Variants in TMEM248 observed in about 807,000 individuals in gnomAD.
TMEM248 encodes the protein transmembrane protein 248, also known as UPF0458 protein C7orf42.
Under a neutral mutation model 30.3 loss-of-function variants are expected in TMEM248, and 9 were observed. That is an observed-to-expected ratio of 0.30 (90% CI 0.18 to 0.52). TMEM248 has a LOEUF of 0.52. TMEM248 is among the 20% of genes least tolerant of loss of function. The pLI is 0.97. For synonymous variants in TMEM248, 184 were observed against 154.4 expected (o/e 1.19, Z -1.42); for missense variants, 338 against 403.3 (o/e 0.84, Z 1.39).
chr7:66,948,420 A>G, intron 3 of TMEM248, 124 bp from the exon 4 acceptor site: 1 of 1,187,146 alleles, frequency 8.4e-7, no homozygotes, highest in South Asian at 1.5e-5. Context: ...CAGATCCCAC[A>G]AAGGCAGGTG....
rs1312666718 is a variant in TMEM248 at position 66,957,497 on chromosome 7, A to G, written c.*1975A>G. 6.6e-6 allele frequency: 1 copy of G among 152,236 alleles called. No individual in the cohort carries two copies. The highest frequency in any genetic ancestry group is 2.4e-5 in the African/African-American group (1 of 41,466). 9.4% of individuals were successfully genotyped at this position (152,236 alleles called of 1,614,324 possible). A position where few individuals can be genotyped will look rare whatever the true frequency, so the allele number is the denominator to read the frequency against. Reference sequence around the variant, plus strand: ...AACTTGTTAATTTAGTTTTCTCCTTAGAGACTTTGAGACCCTTAAGAGACA... The same window carrying G: ...AACTTGTTAATTTAGTTTTCTCCTTGGAGACTTTGAGACCCTTAAGAGACA... On this transcript the variant is annotated 3_prime_UTR_variant, in exon 7 of 7. Coordinates refer to ENST00000341567, the MANE Select transcript of TMEM248 (RefSeq NM_017994.5).
chr7:66,922,280 C>T (rs560408939), intron 1 of TMEM248: 5 of 152,336 alleles, frequency 3.3e-5, no homozygotes, highest in East Asian at 1.9e-4. Context: ...GGAAGAAAAA[C>T]TCCGAGACTG....
At chr7:66,942,138 A>G in intron 2 of TMEM248, 114 bp downstream of exon 2, 1 of 1,155,472 alleles carries the variant, frequency 8.7e-7, no homozygotes, top group Non-Finnish European at 1.2e-6. Context: ...TAGTGAGAAA[A>G]ATCAGTATTT....
At chr7:66,930,322 A>G (rs1041622986) in intron 1 of TMEM248, among the ~76,000 whole-genome samples, 6 of 152,228 alleles carry the variant, frequency 3.9e-5, no homozygotes, top group African/African-American at 1.4e-4. Flanking sequence ...GAGTAGGTAC[A>G]TAAAATGGGA....
At chr7:66,923,936 G>A (rs898498632) in intron 1 of TMEM248, among the ~76,000 whole-genome samples, 2 of 152,182 alleles carry the variant, frequency 1.3e-5, no homozygotes, top group African/African-American at 4.8e-5. Flanking sequence ...AATGTGCTGG[G>A]ATTACAGGCG....
Position 66,929,426 on chromosome 7 carries a change from A to ATTTTTTTTTTTTTTTTTTTTTTT in TMEM248, c.-19+7971_-19+7993dup, listed in dbSNP as rs35126436. ...ACAATATCATGGAAATGAGAGACAA[A>ATTTTTTTTTTTTTTTTTTTTTTT]TTTTTTTTTTTTTTTTTTTTTTTTT... On this transcript the variant is annotated intron_variant, in intron 1 of 6. Transcript: ENST00000341567. 2.5e-4 allele frequency among the ~76,000 whole-genome samples: 24 copies of ATTTTTTTTTTTTTTTTTTTTTTT among 97,672 alleles called. 2 individuals are homozygous for ATTTTTTTTTTTTTTTTTTTTTTT. Among genetic ancestry groups the ATTTTTTTTTTTTTTTTTTTTTTT allele is most frequent in the East Asian group, 7.4e-4 (2 of 2,714 alleles). The allele number at this position is 97,672 out of a possible 152,430, so 64.1% of individuals were successfully genotyped here. A position where few individuals can be genotyped will look rare whatever the true frequency, so the allele number is the denominator to read the frequency against.
Position 66,950,946 on chromosome 7 carries a change from C to G in TMEM248, c.597-6C>G. 6.4e-7 allele frequency: 1 copy of G among 1,554,032 alleles called. No homozygotes were observed. Among genetic ancestry groups the G allele is most frequent in the Non-Finnish European group, 8.7e-7 (1 of 1,149,426 alleles). ...ACGTGTCTTTCCTCCTCCTCTTCTC[C>G]TGCAGACAGCCACCGCACTGTGTTC... On this transcript the variant is annotated splice_region_variant and splice_polypyrimidine_tract_variant and intron_variant, in intron 4 of 6. Coordinates refer to ENST00000341567, the MANE Select transcript of TMEM248 (RefSeq NM_017994.5).
At chr7:66,925,603 C>T (rs763969793) in intron 1 of TMEM248, among the ~76,000 whole-genome samples, 3 of 152,062 alleles carry the variant, frequency 2.0e-5, no homozygotes, top group Non-Finnish European at 4.4e-5. Flanking sequence ...AGTGAACAGA[C>T]ATCTCTTTGA....
rs1791376409 is a variant in TMEM248 at position 66,921,255 on chromosome 7, C to G, written c.-225C>G. ...GAAACCGCGGTTGCCGGAGCCCGAA[C>G]TGAGGCGGCGGCGGGAGCCCGGTTG... On this transcript the variant is annotated 5_prime_UTR_variant, in exon 1 of 7. Transcript: ENST00000341567. 6.7e-6 allele frequency: 1 copy of G among 149,978 alleles called. No homozygotes were observed. The highest frequency in any genetic ancestry group is 2.4e-5 in the African/African-American group (1 of 40,994). The allele number at this position is 149,978 out of a possible 1,614,324, so 9.3% of individuals were successfully genotyped here. A position where few individuals can be genotyped will look rare whatever the true frequency, so the allele number is the denominator to read the frequency against.
chr7:66,944,821 A>G (rs1164200970), intron 2 of TMEM248, among the ~76,000 whole-genome samples, 155 bp from the exon 3 acceptor site: 1 of 152,152 alleles, frequency 6.6e-6, no homozygotes, highest in Non-Finnish European at 1.5e-5. Context: ...GCCTGTGAAG[A>G]GGGTGGTGGC....
At chr7:66,944,669 A>G (rs969282393) in intron 2 of TMEM248, among the ~76,000 whole-genome samples, 3 of 152,172 alleles carry the variant, frequency 2.0e-5, no homozygotes, top group Non-Finnish European at 4.4e-5. Context: ...CATTTTCTCT[A>G]AGTGTAATAT....
chr7:66,936,895 C>A (rs774409312), intron 1 of TMEM248, among the ~76,000 whole-genome samples: 5 of 151,950 alleles, frequency 3.3e-5, no homozygotes, highest in Non-Finnish European at 7.4e-5. Flanking sequence ...TTTCATTGAT[C>A]TTTTATATTT....
At chr7:66,925,942 A>G (rs537375656) in intron 1 of TMEM248, among the ~76,000 whole-genome samples, 3 of 151,834 alleles carry the variant, frequency 2.0e-5, no homozygotes, top group Admixed American at 6.6e-5. Flanking sequence ...CGCCCGGCCT[A>G]TTTTTAGTTT....
chr7:66,931,792 CTTTTTTTTTTTTTTTTT>C (rs1156882038), intron 1 of TMEM248, among the ~76,000 whole-genome samples: 2 of 88,434 alleles, frequency 2.3e-5, no homozygotes, highest in Admixed American at 2.4e-4. Flanking sequence ...GGCCTTCCTC[CTTTTTTTTTTTTTTTTT>C]TTTTTTTTTT....
intron 5 of TMEM248, 110 bp downstream of exon 5, chr7:66,951,245 TC>T: frequency 9.8e-7 from 1 of 1,024,848 alleles, no homozygotes; most frequent in Non-Finnish European, 1.3e-6. Context: ...GGTAAGCGTA[TC>T]CTCTGCCACT....
intron 1 of TMEM248, among the ~76,000 whole-genome samples, chr7:66,931,297 C>CAAAAAAAAAAAAA (rs758131446): frequency 9.3e-5 from 6 of 64,362 alleles, no homozygotes; most frequent in Admixed American, 3.7e-4. Flanking sequence ...GACAATATCT[C>CAAAAAAAAAAAAA]AAAAAAAAAA....
intron 1 of TMEM248, among the ~76,000 whole-genome samples, chr7:66,929,540 G>A (rs540392169): frequency 6.7e-6 from 1 of 149,036 alleles, no homozygotes; most frequent in Admixed American, 6.8e-5. Flanking sequence ...GGGTTCAAGC[G>A]ATTCTCCTGT....
At position 66,929,426 on chromosome 7, in the gene TMEM248, A is replaced by ATTTTTTTTTTTTTTTTTTTTTTTTTTTT. The variant is rs35126436; in HGVS notation, c.-19+7966_-19+7993dup. 1.1e-4 allele frequency among the ~76,000 whole-genome samples: 11 copies of ATTTTTTTTTTTTTTTTTTTTTTTTTTTT among 97,674 alleles called. 1 individual carries two copies. Among genetic ancestry groups the ATTTTTTTTTTTTTTTTTTTTTTTTTTTT allele is most frequent in the East Asian group, 3.7e-4 (1 of 2,714 alleles). The allele number at this position is 97,674 out of a possible 152,430, so 64.1% of individuals were successfully genotyped here. A position where few individuals can be genotyped will look rare whatever the true frequency, so the allele number is the denominator to read the frequency against. ...ACAATATCATGGAAATGAGAGACAA[A>ATTTTTTTTTTTTTTTTTTTTTTTTTTTT]TTTTTTTTTTTTTTTTTTTTTTTTT... On this transcript the variant is annotated intron_variant, in intron 1 of 6. Transcript: ENST00000341567.
At chr7:66,933,327 G>C (rs376458660) in intron 1 of TMEM248, among the ~76,000 whole-genome samples, 2 of 152,162 alleles carry the variant, frequency 1.3e-5, no homozygotes. Context: ...GTGCCACCAC[G>C]CCCAGATCTT....
Sources: allele counts gnomAD v4.1 joint callset (sites outside exome capture counted in the v4.1 genomes callset), GRCh38; gene constraint gnomAD v4.1.1; transcripts MANE v1.5; gene names NCBI Gene and HGNC (gene_info 2026-07-23, HGNC 2026-07-21).